SARM1: variants seen among roughly 807,000 people sequenced by gnomAD.
The protein encoded by SARM1 is NAD(+) hydrolase SARM1.
In SARM1, 60 loss-of-function variants were observed where a neutral mutation model predicts 65.1. The ratio of observed to expected loss-of-function variants is 0.92; its 90% confidence interval spans 0.75 to 1.14. The LOEUF (loss-of-function observed/expected upper bound fraction) is 1.14, where lower values mean the gene tolerates loss of function less well. SARM1 is among the 50% of genes most tolerant of loss of function. The pLI is 0.00. For synonymous variants in SARM1, 417 were observed against 465.4 expected, an observed-to-expected ratio of 0.90 and a Z score of 1.34; for missense variants, 913 against 1,015.7, an observed-to-expected ratio of 0.90 and a Z score of 1.37.
chr17:28,393,249 A>C (rs2068089751), intron 7 of SARM1, among the ~76,000 whole-genome samples: 1 of 152,122 alleles, frequency 6.6e-6, no homozygotes, highest in Admixed American at 6.6e-5. Context: ...ATCCTGCTTT[A>C]TATATTAGAA....
chr17:28,388,841 G>T (rs996501005), intron 7 of SARM1, among the ~76,000 whole-genome samples: 5 of 149,878 alleles, frequency 3.3e-5, no homozygotes, highest in Non-Finnish European at 7.4e-5. Context: ...CGTGATCTTG[G>T]CTCACTGCAA....
chr17:28,372,098 GCCGGGCGCCGAGCGGCTGGCGGTGCC>G lies in SARM1; in HGVS notation c.67_92del (p.Pro23TrpfsTer124). ...GCTTCTTCGCCATGTCGGGCCCACG[GCCGGGCGCCGAGCGGCTGGCGGTGCC>G]TGGGCCAGATGGGGGCGGTGGCACG... On this transcript the variant is annotated frameshift_variant, in exon 1 of 9. Transcript: ENST00000585482. LOFTEE classifies it high-confidence loss of function. This position sits in a 1 kb window ranked among gnomAD's most constrained non-coding sequence, Gnocchi z 5.2. The G allele has an allele frequency of 6.7e-7, 1 of 1,483,418 alleles. No individual in the cohort carries two copies. Among genetic ancestry groups the G allele is most frequent in the Non-Finnish European group, 8.9e-7 (1 of 1,123,304 alleles). The allele number at this position is 1,483,418 out of a possible 1,614,324, so 91.9% of individuals were successfully genotyped here. A position where few individuals can be genotyped will look rare whatever the true frequency, so the allele number is the denominator to read the frequency against.
At position 28,381,767 on chromosome 17, in the gene SARM1, G is replaced by T; in HGVS notation, c.1035G>T (p.Gly345=). The change falls in exon 2 of 9, where the codon GGG becomes GGT. Residue 345 remains glycine, a synonymous_variant. Transcript: ENST00000585482. The stretch of plus-strand genomic sequence containing the variant: ...ACCGCTTGGAGGCGCAGTGCATCGG[G>T]GCTTTCTACCTCTGCGCCGAGGCTG... The part of the protein sequence containing the change: ...DSNRLEAQCI[G]AFYLCAEAAI... 6 of 1,484,270 alleles carry T rather than the reference G, an allele frequency of 4.0e-6. No homozygotes were observed. Among genetic ancestry groups the T allele is most frequent in the Non-Finnish European group, 5.4e-6 (6 of 1,117,290 alleles). 91.9% of individuals were successfully genotyped at this position (1,484,270 alleles called of 1,614,324 possible). A position where few individuals can be genotyped will look rare whatever the true frequency, so the allele number is the denominator to read the frequency against.
At chr17:28,393,138 C>T (rs1401379163) in intron 7 of SARM1, among the ~76,000 whole-genome samples, 8 of 152,162 alleles carry the variant, frequency 5.3e-5, no homozygotes, top group Admixed American at 3.9e-4. Flanking sequence ...ACACCTATTA[C>T]GTATTAAGCA....
rs782593684 is a variant in SARM1 at position 28,372,165 on chromosome 17, G to C, written c.133G>C (p.Ala45Pro). ...GGGGTGPWWA[A>P]GGRGPREVSP... ...CGGTGGCACGGGCCCATGGTGGGCT[G>C]CGGGTGGCCGCGGGCCCCGCGAAGT... The change falls in exon 1 of 9, where the codon GCG (alanine) becomes CCG (proline). Residue 45 changes from alanine (A) to proline (P), a missense_variant. By Grantham distance (27) the Ala-to-Pro change is conservative. Coordinates refer to ENST00000585482, the MANE Select transcript of SARM1 (RefSeq NM_015077.4). The surrounding 1 kb of genome is among the most constrained non-coding windows in gnomAD (Gnocchi z 5.2). 1.7e-4 allele frequency: 236 copies of C among 1,368,482 alleles called. 4 individuals carry two copies. In the East Asian group the frequency reaches 5.3e-3, roughly 31 times the overall value. The allele number at this position is 1,368,482 out of a possible 1,614,324, so 84.8% of individuals were successfully genotyped here.
intron 5 of SARM1, among the ~76,000 whole-genome samples, chr17:28,387,592 G>T (rs1298057166): frequency 6.6e-6 from 1 of 152,196 alleles, no homozygotes; most frequent in Admixed American, 6.5e-5. Flanking sequence ...CTGAGCCAGG[G>T]AAGGGCCCGG....
chr17:28,381,395 G>C lies in SARM1; in HGVS notation c.663G>C (p.Ala221=). 1.3e-6 allele frequency: 2 copies of C among 1,554,838 alleles called. No homozygotes were observed. Among genetic ancestry groups the C allele is most frequent in the Non-Finnish European group, 1.7e-6 (2 of 1,150,114 alleles). ...ATTGGTGCCGCCGCACGGACCCCGC[G>C]CTGCTGCGCCACTGCGCGCTGGCGC... The part of the protein sequence containing the change: ...VLYWCRRTDP[A]LLRHCALALG... The change falls in exon 2 of 9, where the codon GCG becomes GCC. Residue 221 remains alanine (A), a synonymous_variant. Transcript: ENST00000585482.
intron 1 of SARM1, among the ~76,000 whole-genome samples, chr17:28,378,256 C>T (rs553244853): frequency 6.6e-6 from 1 of 152,314 alleles, no homozygotes; most frequent in East Asian, 1.9e-4. Context: ...TCCCCAGGTC[C>T]GATCTCTTTT....
At position 28,372,521 on chromosome 17, in the gene SARM1, G is replaced by C; in HGVS notation, c.470+19G>C. 6.6e-7 allele frequency: 1 copy of C among 1,507,140 alleles called. No individual in the cohort carries two copies. Among genetic ancestry groups the C allele is most frequent in the Non-Finnish European group, 8.8e-7 (1 of 1,133,582 alleles). The allele number at this position is 1,507,140 out of a possible 1,614,324, so 93.4% of individuals were successfully genotyped here. A position where few individuals can be genotyped will look rare whatever the true frequency, so the allele number is the denominator to read the frequency against. On this transcript the variant is annotated intron_variant, in intron 1 of 8. Coordinates refer to ENST00000585482, the MANE Select transcript of SARM1 (RefSeq NM_015077.4). This position sits in a 1 kb window ranked among gnomAD's most constrained non-coding sequence, Gnocchi z 5.2. Reference sequence around the variant, plus strand: ...AGAACCGGTGAGCGCGCCAGGCCGGGGTTGGGAGAGCGCCGCGTGGTGTGG... The same window carrying C: ...AGAACCGGTGAGCGCGCCAGGCCGGCGTTGGGAGAGCGCCGCGTGGTGTGG...
At position 28,372,581 on chromosome 17, in the gene SARM1, C is replaced by T. The variant is rs1567803839; in HGVS notation, c.470+79C>T. 3 of 1,181,882 alleles carry T rather than the reference C, an allele frequency of 2.5e-6. No homozygotes were observed. Among genetic ancestry groups the T allele is most frequent in the Admixed American group, 2.7e-5 (1 of 37,702 alleles). The allele number at this position is 1,181,882 out of a possible 1,614,324, so 73.2% of individuals were successfully genotyped here. Reference sequence around the variant, plus strand: ...CGCCTGCGTTCCCGTGTGCCTTGCGCCGTGCCTTTGCCTCCCTCACCTCTC... The same window carrying T: ...CGCCTGCGTTCCCGTGTGCCTTGCGTCGTGCCTTTGCCTCCCTCACCTCTC... On this transcript the variant is annotated intron_variant, in intron 1 of 8. Coordinates refer to ENST00000585482, the MANE Select transcript of SARM1 (RefSeq NM_015077.4). This position sits in a 1 kb window ranked among gnomAD's most constrained non-coding sequence, Gnocchi z 5.2.
chr17:28,395,928 C>G lies in SARM1; in HGVS notation c.1947C>G (p.Cys649Trp), dbSNP rs1273506942. The stretch of plus-strand genomic sequence containing the variant: ...AGGAGATTGTGACTGCTTTAAGCTG[C>G]GGCAAGAACATTGTGCCCATCATTG... The part of the protein sequence containing the change: ...VHKEIVTALS[C>W]GKNIVPIIDG... Residue 649 changes from cysteine to tryptophan, a missense_variant, in exon 8 of 9, where the codon TGC (cysteine) becomes TGG (tryptophan). Cys to Trp is a radical substitution (Grantham distance 215). Around this residue, in one of 3 missense-constraint regions of SARM1, gnomAD observed 862 missense variants for 952.1 expected, o/e 0.91. Transcript: ENST00000585482. 1 of 1,613,786 alleles carries G rather than the reference C, an allele frequency of 6.2e-7. No individual in the cohort carries two copies. The highest frequency in any genetic ancestry group is 1.3e-5 in the African/African-American group (1 of 74,918).
At chr17:28,376,427 G>A (rs905735383) in intron 1 of SARM1, among the ~76,000 whole-genome samples, 2 of 135,262 alleles carry the variant, frequency 1.5e-5, no homozygotes, top group Non-Finnish European at 3.1e-5. Flanking sequence ...AAAAAAAAGA[G>A]CCAGGTGTGG....
rs1240110587 is a variant in SARM1, at chr17:28,400,673, A to C, written c.*4387A>C. 3 of 1,613,440 alleles carry C rather than the reference A, an allele frequency of 1.9e-6. No homozygotes were observed. The highest frequency in any genetic ancestry group is 2.7e-5 in the African/African-American group (2 of 74,912). ...CAGGAGGAAGGGGAACCCCTTCATA[A>C]AGTTCAGAGTGGCTGGGTAGAGTGA... On this transcript the variant is annotated 3_prime_UTR_variant, in exon 9 of 9. Transcript: ENST00000585482.
At chr17:28,382,985 C>T (rs564183743) in intron 2 of SARM1, among the ~76,000 whole-genome samples, 66 of 152,280 alleles carry the variant, frequency 4.3e-4, no homozygotes, top group African/African-American at 1.4e-3. Context: ...ACCCCATGAC[C>T]CACCTTGTCT....
At position 28,372,439 on chromosome 17, in the gene SARM1, C is replaced by T; in HGVS notation, c.407C>T (p.Pro136Leu). The change falls in exon 1 of 9, where the codon CCG becomes CTG. Residue 136 changes from proline (P) to leucine (L), a missense_variant. Physicochemically the swap from Pro to Leu is moderately conservative, Grantham distance 98. Transcript: ENST00000585482. The surrounding 1 kb of genome is among the most constrained non-coding windows in gnomAD (Gnocchi z 5.2). ...LDLLLRLLQA[P>L]ELETRVQAAR... ...CTGCTGTTGCGGCTGCTGCAGGCGC[C>T]GGAGTTGGAGACGCGTGTGCAGGCC... The T allele has an allele frequency of 1.3e-6, 2 of 1,530,388 alleles. No individual in the cohort carries two copies. The highest frequency in any genetic ancestry group is 8.7e-7 in the Non-Finnish European group (1 of 1,145,326). 94.8% of individuals were successfully genotyped at this position (1,530,388 alleles called of 1,614,324 possible). A position where few individuals can be genotyped will look rare whatever the true frequency, so the allele number is the denominator to read the frequency against.
chr17:28,387,236 CTT>C (rs548164976), intron 5 of SARM1, among the ~76,000 whole-genome samples: 22 of 139,148 alleles, frequency 1.6e-4, no homozygotes, highest in Non-Finnish European at 9.4e-5. Flanking sequence ...CTTTTCTTTT[CTT>C]TTTTTTTTTT....
At chr17:28,379,781 T>G (rs1168805958) in intron 1 of SARM1, among the ~76,000 whole-genome samples, 1 of 152,230 alleles carries the variant, frequency 6.6e-6, no homozygotes, top group Non-Finnish European at 1.5e-5. Flanking sequence ...TGGAAGGAAG[T>G]AACATTTGAG....
chr17:28,392,411 C>G (rs897670898), intron 7 of SARM1, among the ~76,000 whole-genome samples: 1 of 152,172 alleles, frequency 6.6e-6, no homozygotes, highest in African/African-American at 2.4e-5. Context: ...CCACCACACA[C>G]GGCCGCCATT....
chr17:28,381,406 A>C lies in SARM1; in HGVS notation c.674A>C (p.His225Pro), dbSNP rs1555585216. ...CRRTDPALLR[H>P]CALALGNCAL... ...CGCACGGACCCCGCGCTGCTGCGCCACTGCGCGCTGGCGCTGGGCAACTGC... is the reference window on the plus strand; with the variant it reads ...CGCACGGACCCCGCGCTGCTGCGCCCCTGCGCGCTGGCGCTGGGCAACTGC... Residue 225 changes from histidine (H) to proline (P), a missense_variant, in exon 2 of 9, where the codon CAC becomes CCC. Around this residue, in one of 3 missense-constraint regions of SARM1, gnomAD observed 862 missense variants for 952.1 expected, o/e 0.91. Coordinates refer to ENST00000585482, the MANE Select transcript of SARM1 (RefSeq NM_015077.4). 6.5e-7 allele frequency: 1 copy of C among 1,550,086 alleles called. No individual in the cohort carries two copies. Among genetic ancestry groups the C allele is most frequent in the Non-Finnish European group, 8.7e-7 (1 of 1,147,706 alleles).
Sources: gnomAD v4.1 joint callset for allele counts (sites outside exome capture counted in the v4.1 genomes callset) on GRCh38, gnomAD v4.1.1 for gene constraint, gnomAD v4.1.1 regional missense constraint, Gnocchi (gnomAD v3.1) non-coding constraint, MANE v1.5 for transcripts, NCBI Gene and HGNC (gene_info 2026-07-23, HGNC 2026-07-21) for gene names.